ALPL: variants seen among roughly 807,000 people sequenced by gnomAD.
ALPL encodes the protein alkaline phosphatase, biomineralization associated.
A neutral mutation model predicts 51.3 loss-of-function variants in ALPL; 42 were observed. The observed-to-expected ratio is 0.82, with a 90% CI of 0.64 to 1.06. The LOEUF (loss-of-function observed/expected upper bound fraction) is 1.06. ALPL is among the 50% of genes least tolerant of loss of function. The pLI, the probability that ALPL is intolerant of heterozygous loss-of-function variation, is 0.00. For synonymous variants in ALPL, 279 were observed against 296.4 expected (o/e 0.94, Z 0.60); for missense variants, 589 against 709.4 (o/e 0.83, Z 1.93).
At chr1:21,556,151 T>C (rs1262379066) in intron 2 of ALPL, among the ~76,000 whole-genome samples, 1 of 152,084 alleles carries the variant, frequency 6.6e-6, no homozygotes, top group Non-Finnish European at 1.5e-5. Context: ...ACACTAGGGG[T>C]TCAACTAATT....
intron 1 of ALPL, among the ~76,000 whole-genome samples, chr1:21,526,431 C>T (rs1235498242): frequency 6.6e-6 from 1 of 152,136 alleles, no homozygotes; most frequent in Admixed American, 6.5e-5. Context: ...TGAGCTACCA[C>T]GCCCGGCCTA....
In ALPL at chr1:21,573,611, T is replaced by C. The variant is rs1644682320; in HGVS notation, c.863-54T>C. 2.5e-6 allele frequency: 4 copies of C among 1,606,288 alleles called. No homozygotes were observed. In the Admixed American group the frequency reaches 5.1e-5, roughly 20 times the overall value. On this transcript the variant is annotated intron_variant, in intron 8 of 11. Transcript: ENST00000374840. Reference sequence around the variant, plus strand: ...AGACACCCCAGCTTCCTTGGAGTCCTCCTAGCCGGGTCACAGCCTCTCAGC... The same window carrying C: ...AGACACCCCAGCTTCCTTGGAGTCCCCCTAGCCGGGTCACAGCCTCTCAGC...
chr1:21,520,660 A>G (rs1191116852), intron 1 of ALPL, among the ~76,000 whole-genome samples: 1 of 151,732 alleles, frequency 6.6e-6, no homozygotes, highest in Non-Finnish European at 1.5e-5. Flanking sequence ...ACGGGGTTTC[A>G]CCGTGTTAGC....
At chr1:21,555,746 G>C (rs1644404517) in intron 2 of ALPL, among the ~76,000 whole-genome samples, 1 of 151,508 alleles carries the variant, frequency 6.6e-6, no homozygotes, top group Non-Finnish European at 1.5e-5. Flanking sequence ...GTTCTCACTA[G>C]TGAACTCATC....
chr1:21,573,519 C>T (rs979922079), intron 8 of ALPL, 146 bp from the exon 9 acceptor site: 1 of 933,094 alleles, frequency 1.1e-6, no homozygotes, highest in Non-Finnish European at 1.7e-6. Context: ...CAAAAATCAC[C>T]CAGATAAGGA....
intron 8 of ALPL, among the ~76,000 whole-genome samples, chr1:21,570,913 G>A (rs1366072176): frequency 1.3e-5 from 2 of 152,246 alleles, no homozygotes; most frequent in East Asian, 3.8e-4. Flanking sequence ...TTTTCCAGCT[G>A]TCTGTAGTGC....
intron 4 of ALPL, 104 bp downstream of exon 4, chr1:21,561,316 T>A: frequency 9.9e-7 from 1 of 1,005,212 alleles, no homozygotes. Context: ...CTGAGCCCCC[T>A]CCATGCCCAA....
chr1:21,562,812 C>T (rs895009917), intron 4 of ALPL, among the ~76,000 whole-genome samples: 1 of 152,112 alleles, frequency 6.6e-6, no homozygotes, highest in Non-Finnish European at 1.5e-5. Flanking sequence ...GCCCCAGGCC[C>T]GGAGAGAGGC....
chr1:21,527,183 C>G (rs1412730329), intron 1 of ALPL, among the ~76,000 whole-genome samples: 1 of 151,918 alleles, frequency 6.6e-6, no homozygotes, highest in East Asian at 1.9e-4. Flanking sequence ...CAGGCATGCA[C>G]CACCACACCC....
chr1:21,547,694 G>A (rs12566520), intron 1 of ALPL, among the ~76,000 whole-genome samples: 20,018 of 152,256 alleles, frequency 0.13, 2,044 homozygotes, highest in East Asian at 0.5. Context: ...GCGTCAGCCT[G>A]GGCTTAAATG....
At position 21,535,713 on chromosome 1, in the gene ALPL, C is replaced by T. The variant is rs145330698; in HGVS notation, c.-104-18265C>T. 5.9e-4 allele frequency among the ~76,000 whole-genome samples: 90 copies of T among 152,268 alleles called. 1 individual carries two copies. Among genetic ancestry groups the T allele is most frequent in the Middle Eastern group, 3.4e-3 (1 of 294 alleles). On this transcript the variant is annotated intron_variant, in intron 1 of 11. Transcript: ENST00000374840. ...CAGACAGGAAGCTCATGACACTTAGCTTTCTCGTTTTCTTTAGCTTTTTAA... is the reference window on the plus strand; with the variant it reads ...CAGACAGGAAGCTCATGACACTTAGTTTTCTCGTTTTCTTTAGCTTTTTAA...
intron 1 of ALPL, among the ~76,000 whole-genome samples, chr1:21,546,734 T>G (rs1366531386): frequency 6.6e-6 from 1 of 152,250 alleles, no homozygotes; most frequent in African/African-American, 2.4e-5. Flanking sequence ...GATTTGGGCT[T>G]AAATCCCAAC....
chr1:21,543,708 A>ATT (rs1480960632), intron 1 of ALPL, among the ~76,000 whole-genome samples: 1 of 152,120 alleles, frequency 6.6e-6, no homozygotes, highest in East Asian at 1.9e-4. Context: ...ACCTCAAGTG[A>ATT]TTTTTGTGGC....
At position 21,573,708 on chromosome 1, in the gene ALPL, C is replaced by A. The variant is rs560308330; in HGVS notation, c.906C>A (p.Asn302Lys). ...ACATGCAGTACGAGCTGAACAGGAACAACGTGACGGACCCGTCACTCTCCG... is the reference window on the plus strand; with the variant it reads ...ACATGCAGTACGAGCTGAACAGGAAAAACGTGACGGACCCGTCACTCTCCG... ...PGDMQYELNR[N>K]NVTDPSLSEM... The change falls in exon 9 of 12, where the codon AAC (asparagine) becomes AAA (lysine). Residue 302 changes from asparagine (N) to lysine (K), a missense_variant. By Grantham distance (94) the Asn-to-Lys change is moderately conservative. Transcript: ENST00000374840. The A allele has an allele frequency of 2.0e-5, 33 of 1,614,078 alleles. 1 individual carries two copies. The South Asian group carries it at 3.6e-4, about 18-fold the overall frequency.
rs1265179184 is a variant in ALPL at position 21,509,433 on chromosome 1, G to C, written c.-189G>C. 1.3e-5 allele frequency: 2 copies of C among 151,708 alleles called. No homozygotes were observed. The highest frequency in any genetic ancestry group is 2.0e-4 in the East Asian group (1 of 5,122). 9.4% of individuals were successfully genotyped at this position (151,708 alleles called of 1,614,324 possible). A position where few individuals can be genotyped will look rare whatever the true frequency, so the allele number is the denominator to read the frequency against. ...GGGGTGGTGGCCCGGGCCGCGTTGC[G>C]CTCCCGCCACTCCGCGCCCGCTATC... On this transcript the variant is annotated 5_prime_UTR_variant, in exon 1 of 12. Coordinates refer to ENST00000374840, the MANE Select transcript of ALPL (RefSeq NM_000478.6). The surrounding 1 kb of genome is among the most constrained non-coding windows in gnomAD (Gnocchi z 6.0).
At chr1:21,526,592 G>A (rs1643946660) in intron 1 of ALPL, among the ~76,000 whole-genome samples, 1 of 151,976 alleles carries the variant, frequency 6.6e-6, no homozygotes, top group Non-Finnish European at 1.5e-5. Context: ...TCTAAGTGTA[G>A]GGGTAATGAT....
intron 11 of ALPL, among the ~76,000 whole-genome samples, chr1:21,577,121 C>T (rs1033602872): frequency 2.6e-5 from 4 of 152,146 alleles, no homozygotes; most frequent in African/African-American, 4.8e-5. Context: ...AGAGTCTCCC[C>T]GTCAACTCTC....
chr1:21,510,850 T>A (rs915692662), intron 1 of ALPL, among the ~76,000 whole-genome samples: 1 of 152,200 alleles, frequency 6.6e-6, no homozygotes, highest in African/African-American at 2.4e-5. Context: ...GCCCCATGCA[T>A]CTTGTTCCTG....
At chr1:21,517,132 G>A (rs1643815776) in intron 1 of ALPL, among the ~76,000 whole-genome samples, 2 of 152,174 alleles carry the variant, frequency 1.3e-5, no homozygotes, top group South Asian at 2.1e-4. Flanking sequence ...TTGGGTACTC[G>A]AGGTGTGGTT....
Sources: allele counts gnomAD v4.1 joint callset (sites outside exome capture counted in the v4.1 genomes callset), GRCh38; gene constraint gnomAD v4.1.1; non-coding constraint Gnocchi (gnomAD v3.1); transcripts MANE v1.5; gene names NCBI Gene and HGNC (gene_info 2026-07-23, HGNC 2026-07-21).